DAPK1: variants seen among roughly 807,000 people sequenced by gnomAD.
DAPK1 encodes the protein death-associated protein kinase 1.
A neutral mutation model predicts 144.9 loss-of-function variants in DAPK1; 56 were observed. The observed-to-expected ratio is 0.39, with a 90% CI of 0.31 to 0.48. The LOEUF (loss-of-function observed/expected upper bound fraction) is 0.48. Among genes scored for constraint, DAPK1 ranks in the 20% least tolerant of loss-of-function variants. The pLI, the probability that DAPK1 is intolerant of heterozygous loss-of-function variation, is 0.95. For missense variants in DAPK1, 1,454 were observed against 1,875.4 expected (o/e 0.78, Z 4.15); for synonymous variants, 690 against 749.0 (o/e 0.92, Z 1.29).
At chr9:87,698,554 A>G (rs910706805) in intron 22 of DAPK1, 102 bp from the exon 23 acceptor site, 2 of 720,856 alleles carry the variant, frequency 2.8e-6, no homozygotes, top group African/African-American at 3.5e-5. Context: ...GTACCTGGAG[A>G]GTCGGCCTGG....
chr9:87,648,058 G>A (rs965167649), intron 14 of DAPK1, among the ~76,000 whole-genome samples: 9 of 152,300 alleles, frequency 5.9e-5, no homozygotes, highest in East Asian at 1.9e-4. Context: ...CTAATTTGAC[G>A]TTTAGTCAAG....
intron 2 of DAPK1, among the ~76,000 whole-genome samples, chr9:87,597,666 C>T (rs1057406868): frequency 2.0e-5 from 3 of 152,128 alleles, no homozygotes; most frequent in African/African-American, 7.2e-5. Flanking sequence ...AACTGAGGCT[C>T]ACAGAGGCCT....
intron 2 of DAPK1, among the ~76,000 whole-genome samples, chr9:87,559,350 G>A (rs1335624443): frequency 2.0e-5 from 3 of 151,238 alleles, no homozygotes; most frequent in Non-Finnish European, 4.4e-5. Flanking sequence ...GTAGGGTAGG[G>A]TAGCATCTAC....
At chr9:87,544,409 G>A (rs1436790011) in intron 2 of DAPK1, among the ~76,000 whole-genome samples, 1 of 152,150 alleles carries the variant, frequency 6.6e-6, no homozygotes, top group Non-Finnish European at 1.5e-5. Flanking sequence ...TGGATGAACA[G>A]GGAAAAATGT....
intron 3 of DAPK1, among the ~76,000 whole-genome samples, chr9:87,622,307 G>T (rs1002508890): frequency 6.6e-6 from 1 of 152,004 alleles, no homozygotes; most frequent in Admixed American, 6.5e-5. Flanking sequence ...TCCTTCGTAG[G>T]TGTGACAACC....
chr9:87,663,663 C>T (rs1218724029), intron 18 of DAPK1, among the ~76,000 whole-genome samples: 1 of 152,038 alleles, frequency 6.6e-6, no homozygotes, highest in Non-Finnish European at 1.5e-5. Context: ...CCCTCTCTGG[C>T]CCCCAGACTT....
intron 3 of DAPK1, chr9:87,633,349 CG>C: frequency 1.0e-6 from 1 of 984,978 alleles, no homozygotes; most frequent in African/African-American, 1.7e-5. Context: ...AGTATATGTG[CG>C]TATGGGTGAG....
At chr9:87,632,994 G>A in intron 3 of DAPK1, 1 of 974,644 alleles carries the variant, frequency 1.0e-6, no homozygotes, top group Non-Finnish European at 1.2e-6. Context: ...AGGGAGATGA[G>A]TATACATTAG....
At chr9:87,649,424 G>C (rs1375570234) in intron 15 of DAPK1, among the ~76,000 whole-genome samples, 1 of 152,174 alleles carries the variant, frequency 6.6e-6, no homozygotes, top group Non-Finnish European at 1.5e-5. Context: ...CAACAATACT[G>C]TTACCACTCA....
intron 2 of DAPK1, among the ~76,000 whole-genome samples, chr9:87,599,907 T>C (rs75144902): frequency 0.018 from 2,792 of 152,284 alleles, 91 homozygotes; most frequent in African/African-American, 0.063. Context: ...AGACATCGTA[T>C]ATGTATATGT....
At chr9:87,530,678 C>T (rs1393518957) in intron 2 of DAPK1, among the ~76,000 whole-genome samples, 1 of 152,170 alleles carries the variant, frequency 6.6e-6, no homozygotes, top group Non-Finnish European at 1.5e-5. Context: ...TTAAACCCCA[C>T]CATCTAGGGA....
intron 16 of DAPK1, 37 bp from the exon 17 acceptor site, chr9:87,651,490 G>A (rs747683207): frequency 2.5e-6 from 4 of 1,608,172 alleles, no homozygotes; most frequent in African/African-American, 1.3e-5. Flanking sequence ...ACATGCCCAA[G>A]TGAAAAGCTC....
chr9:87,622,768 G>A lies in DAPK1; in HGVS notation c.285-15175G>A, dbSNP rs929002245. ...TCCACTAAAATACAAAAAATCAGCC[G>A]GGTGTGGTGGGGCGCACCTGTAATC... On this transcript the variant is annotated intron_variant, in intron 3 of 25. Transcript: ENST00000408954. Among the ~76,000 whole-genome samples, 11 of 151,618 alleles carry A rather than the reference G, an allele frequency of 7.3e-5. No homozygotes were observed. The South Asian group carries it at 1.0e-3, about 14-fold the overall frequency.
chr9:87,660,659 G>A (rs944267095), intron 18 of DAPK1, among the ~76,000 whole-genome samples: 6 of 151,870 alleles, frequency 4.0e-5, no homozygotes, highest in Admixed American at 6.5e-5. Flanking sequence ...CCAAGTCCCC[G>A]TTGTCCATCA....
At chr9:87,596,259 G>C (rs1215373319) in intron 2 of DAPK1, among the ~76,000 whole-genome samples, 1 of 152,220 alleles carries the variant, frequency 6.6e-6, no homozygotes, top group Non-Finnish European at 1.5e-5. Context: ...TAAAGGTGAA[G>C]TCAGTATAGA....
rs1396638536 is a variant in DAPK1, at chr9:87,643,436, A to G, written c.979A>G (p.Asn327Asp). The G allele has an allele frequency of 6.2e-7, 1 of 1,611,064 alleles. No individual in the cohort carries two copies. The highest frequency in any genetic ancestry group is 8.5e-7 in the Non-Finnish European group (1 of 1,178,984). ...ATCCAGGTCATTCCTGTCCAGAAGT[A>G]ACATGAGTGTTGCCAGAAGCGATGA... ...RLSRSFLSRS[N>D]MSVARSDDTL... The change falls in exon 11 of 26, where the codon AAC becomes GAC. Residue 327 changes from asparagine (N) to aspartate (D), a missense_variant. Physicochemically the swap from Asn to Asp is conservative, Grantham distance 23. Around this residue, in one of 2 missense-constraint regions of DAPK1, gnomAD observed 429 missense variants for 637.5 expected, o/e 0.67. Transcript: ENST00000408954.
At chr9:87,606,534 C>CT (rs1156391211) in intron 3 of DAPK1, among the ~76,000 whole-genome samples, 1 of 106,022 alleles carries the variant, frequency 9.4e-6, no homozygotes, top group Admixed American at 9.0e-5. Flanking sequence ...TCCTTCCTTC[C>CT]CCCCTCCCTC....
At chr9:87,624,336 T>A (rs917466917) in intron 3 of DAPK1, among the ~76,000 whole-genome samples, 1 of 152,164 alleles carries the variant, frequency 6.6e-6, no homozygotes, top group African/African-American at 2.4e-5. Context: ...CCTGTGCTCC[T>A]CCACTGTGCT....
intron 2 of DAPK1, among the ~76,000 whole-genome samples, chr9:87,540,042 GA>G (rs911563436): frequency 1.3e-4 from 19 of 151,752 alleles, no homozygotes; most frequent in Non-Finnish European, 2.4e-4. Flanking sequence ...CTTAAGGAAA[GA>G]AAAAAAATTA....
Sources: gnomAD v4.1 joint callset for allele counts (sites outside exome capture counted in the v4.1 genomes callset) on GRCh38, gnomAD v4.1.1 for gene constraint, gnomAD v4.1.1 regional missense constraint, MANE v1.5 for transcripts, NCBI Gene and HGNC (gene_info 2026-07-23, HGNC 2026-07-21) for gene names.